Variants in LRRC4C observed in about 807,000 individuals in gnomAD.
The protein encoded by LRRC4C is leucine-rich repeat-containing protein 4C.
A neutral mutation model predicts 33.6 loss-of-function variants in LRRC4C; 5 were observed. The observed-to-expected ratio is 0.15, with a 90% CI of 0.08 to 0.31. The LOEUF is 0.31. Ranked by LOEUF, LRRC4C falls within the 10% of genes least tolerant of loss-of-function variation. The probability of loss-of-function intolerance (pLI) is 1.00; values close to 1 mark genes in which losing one functional copy is unlikely to be tolerated. For synonymous variants in LRRC4C, 329 were observed against 302.0 expected (o/e 1.09, Z -0.93); for missense variants, 560 against 796.7 (o/e 0.70, Z 3.58).
chr11:40,832,288 C>A (rs1051483946), intron 2 of LRRC4C, among the ~76,000 whole-genome samples: 4 of 152,014 alleles, frequency 2.6e-5, no homozygotes, highest in African/African-American at 4.8e-5. Context: ...TATATGCAGT[C>A]CATCATTGGT....
intron 1 of LRRC4C, among the ~76,000 whole-genome samples, chr11:41,359,525 T>C (rs1952277665): frequency 6.6e-6 from 1 of 152,158 alleles, no homozygotes; most frequent in African/African-American, 2.4e-5. Flanking sequence ...AGTGTTTGTT[T>C]TTTTTGTTTT....
At chr11:40,517,821 G>T (rs1955633728) in intron 3 of LRRC4C, among the ~76,000 whole-genome samples, 2 of 149,926 alleles carry the variant, frequency 1.3e-5, no homozygotes, top group South Asian at 4.2e-4. Flanking sequence ...TAAACAAAAA[G>T]AACAAAGCTG....
chr11:40,910,573 G>A (rs773706996), intron 2 of LRRC4C, among the ~76,000 whole-genome samples: 1 of 152,206 alleles, frequency 6.6e-6, no homozygotes, highest in African/African-American at 2.4e-5. Flanking sequence ...GTGGTGGGGA[G>A]CCAAGACGGC....
At chr11:41,003,216 T>C (rs61887624) in intron 1 of LRRC4C, among the ~76,000 whole-genome samples, 20,829 of 152,164 alleles carry the variant, frequency 0.14, 1,502 homozygotes, top group Non-Finnish European at 0.16. Context: ...TGATATTTCT[T>C]TAATTTTTAA....
intron 1 of LRRC4C, among the ~76,000 whole-genome samples, chr11:41,049,205 T>A (rs1858021964): frequency 6.6e-6 from 1 of 152,124 alleles, no homozygotes; most frequent in East Asian, 1.9e-4. Flanking sequence ...ATACTATTCT[T>A]GTGGTGGTGT....
At chr11:40,991,409 C>T (rs1853552902) in intron 1 of LRRC4C, among the ~76,000 whole-genome samples, 1 of 152,082 alleles carries the variant, frequency 6.6e-6, no homozygotes, top group African/African-American at 2.4e-5. Context: ...TATAATGTAA[C>T]ACAATGCTCC....
chr11:40,515,486 G>A (rs558589487), intron 3 of LRRC4C, among the ~76,000 whole-genome samples: 2 of 152,062 alleles, frequency 1.3e-5, no homozygotes, highest in African/African-American at 2.4e-5. Flanking sequence ...AAAATTACAT[G>A]TTACATAATA....
chr11:40,299,238 A>G (rs1213259943), intron 4 of LRRC4C, among the ~76,000 whole-genome samples: 3 of 152,202 alleles, frequency 2.0e-5, no homozygotes, highest in African/African-American at 7.2e-5. Context: ...TATGGAAGTC[A>G]TCACTAACTC....
At chr11:40,469,599 C>A (rs965946825) in intron 3 of LRRC4C, among the ~76,000 whole-genome samples, 23 of 152,256 alleles carry the variant, frequency 1.5e-4, no homozygotes, top group East Asian at 3.9e-4. Context: ...TGGATCCCAC[C>A]CCCACGGAGC....
rs548369244 is a variant in LRRC4C at position 41,445,180 on chromosome 11, A to C, written c.-496+14251T>G. Among the ~76,000 whole-genome samples, 5 of 152,316 alleles carry C rather than the reference A, an allele frequency of 3.3e-5. 1 individual carries two copies. The highest frequency in any genetic ancestry group is 1.2e-4 in the African/African-American group (5 of 41,578). On this transcript the variant is annotated intron_variant, in intron 1 of 6. Coordinates refer to ENST00000528697, the MANE Select transcript of LRRC4C (RefSeq NM_001258419.2). Reference sequence around the variant, plus strand: ...CAAAACTAGAAGAAAGGAAGATTTAACATGCAACCTTCGCTTCACCATCTC... The same window carrying C: ...CAAAACTAGAAGAAAGGAAGATTTACCATGCAACCTTCGCTTCACCATCTC...
chr11:40,479,865 T>G (rs912130245), intron 3 of LRRC4C, among the ~76,000 whole-genome samples: 2 of 152,198 alleles, frequency 1.3e-5, no homozygotes, highest in Admixed American at 1.3e-4. Context: ...AGACCAGATG[T>G]CTTCCTAATT....
chr11:41,434,641 A>G (rs534863032), intron 1 of LRRC4C, among the ~76,000 whole-genome samples: 20 of 152,296 alleles, frequency 1.3e-4, no homozygotes, highest in African/African-American at 4.8e-4. Context: ...TACTCCTACC[A>G]TCTATGTCCT....
chr11:40,556,489 G>T (rs1957338009), intron 3 of LRRC4C, among the ~76,000 whole-genome samples: 1 of 152,188 alleles, frequency 6.6e-6, no homozygotes. Context: ...CCTGTTGTTT[G>T]CCCCAAATGA....
chr11:41,394,356 T>G (rs866408712), intron 1 of LRRC4C, among the ~76,000 whole-genome samples: 6 of 151,936 alleles, frequency 3.9e-5, no homozygotes, highest in African/African-American at 4.8e-5. Context: ...TTAATCTAAT[T>G]TGCAAATTTG....
At chr11:40,142,218 G>A (rs2927203) in intron 5 of LRRC4C, among the ~76,000 whole-genome samples, 41,076 of 147,420 alleles carry the variant, frequency 0.28, 5,955 homozygotes, top group South Asian at 0.38. Flanking sequence ...GGTAGAGGTG[G>A]CAGTGAGCCA....
At chr11:40,573,452 C>T (rs748164734) in intron 3 of LRRC4C, among the ~76,000 whole-genome samples, 1 of 152,102 alleles carries the variant, frequency 6.6e-6, no homozygotes, top group Non-Finnish European at 1.5e-5. Flanking sequence ...ATATGTAATT[C>T]TTTATGTCCA....
intron 1 of LRRC4C, among the ~76,000 whole-genome samples, chr11:41,188,905 C>G (rs1417858297): frequency 1.5e-5 from 2 of 134,622 alleles, no homozygotes; most frequent in East Asian, 2.9e-4. Flanking sequence ...GGACCTGCCC[C>G]CCCCCCCAAA....
chr11:40,971,172 G>A (rs1315726712), intron 1 of LRRC4C, among the ~76,000 whole-genome samples: 1 of 152,190 alleles, frequency 6.6e-6, no homozygotes. Context: ...GATAGCCAGG[G>A]CAATGGAGGA....
intron 1 of LRRC4C, among the ~76,000 whole-genome samples, chr11:41,396,371 G>T (rs977032835): frequency 5.3e-5 from 8 of 151,970 alleles, no homozygotes; most frequent in Non-Finnish European, 1.2e-4. Context: ...AATTTTCAAT[G>T]CTAAATTAAA....
Sources: gnomAD v4.1 joint callset for allele counts (sites outside exome capture counted in the v4.1 genomes callset) on GRCh38, gnomAD v4.1.1 for gene constraint, MANE v1.5 for transcripts, NCBI Gene and HGNC (gene_info 2026-07-23, HGNC 2026-07-21) for gene names.